ANK1: variants seen among roughly 807,000 people sequenced by gnomAD.
ANK1 encodes ankyrin-1.
In ANK1, 51 loss-of-function variants were observed where a neutral mutation model predicts 210.4. The ratio of observed to expected loss-of-function variants is 0.24; its 90% CI spans 0.19 to 0.31. The LOEUF is 0.31. Ranked by LOEUF, ANK1 falls within the 10% of genes least tolerant of loss-of-function variation. The pLI is 1.00. For missense variants in ANK1, 2,051 were observed against 2,504.4 expected, an observed-to-expected ratio of 0.82 and a Z score of 3.86; for synonymous variants, 967 against 1,025.9, an observed-to-expected ratio of 0.94 and a Z score of 1.10.
intron 1 of ANK1, among the ~76,000 whole-genome samples, chr8:41,795,929 G>A (rs528455416): frequency 1.6e-4 from 24 of 152,230 alleles, no homozygotes; most frequent in African/African-American, 4.8e-4. Context: ...ATACCAACAC[G>A]TAAAAATGAT....
chr8:41,799,900 A>C (rs193111046), upstream of ANK1, among the ~76,000 whole-genome samples: 1 of 152,246 alleles, frequency 6.6e-6, no homozygotes, highest in Admixed American at 6.5e-5. Context: ...TGAGACCCTC[A>C]AATTCACCCC....
At chr8:41,823,951 T>A (rs1217717987) in intron 1 of ANK1, among the ~76,000 whole-genome samples, 8 of 152,060 alleles carry the variant, frequency 5.3e-5, no homozygotes, top group African/African-American at 1.9e-4. Flanking sequence ...TTTTTGAGTA[T>A]TTTTTGTTTT....
chr8:41,751,135 T>C (rs1837610280), intron 2 of ANK1, among the ~76,000 whole-genome samples: 1 of 152,230 alleles, frequency 6.6e-6, no homozygotes, highest in East Asian at 1.9e-4. Flanking sequence ...TCCCAGAAAG[T>C]ATTTTTGTAT....
At chr8:41,880,025 G>T (rs752973956) in intron 1 of ANK1, among the ~76,000 whole-genome samples, 14 of 152,326 alleles carry the variant, frequency 9.2e-5, no homozygotes, top group Non-Finnish European at 1.5e-5. Context: ...TAACCCAGGG[G>T]GTGGCAAACT....
chr8:41,849,964 C>G (rs1388168707), intron 1 of ANK1, among the ~76,000 whole-genome samples: 2 of 152,114 alleles, frequency 1.3e-5, no homozygotes, highest in African/African-American at 4.8e-5. Context: ...ACCTTTATGG[C>G]CTTCCTCTGA....
At chr8:41,888,953 A>T (rs140280323) in intron 1 of ANK1, among the ~76,000 whole-genome samples, 2 of 152,370 alleles carry the variant, frequency 1.3e-5, no homozygotes, top group Admixed American at 6.5e-5. Context: ...CAACTCTGGC[A>T]GCTTTCCCAC....
chr8:41,720,027 C>G (rs909038722), intron 9 of ANK1, among the ~76,000 whole-genome samples, 169 bp from the exon 10 acceptor site: 4 of 152,158 alleles, frequency 2.6e-5, no homozygotes, highest in African/African-American at 9.7e-5. Context: ...GGTCTCTGAC[C>G]ACAGACATTC....
chr8:41,867,962 C>A (rs1292548614), intron 1 of ANK1, among the ~76,000 whole-genome samples: 1 of 152,196 alleles, frequency 6.6e-6, no homozygotes, highest in Non-Finnish European at 1.5e-5. Flanking sequence ...CAGGTTCAAG[C>A]GATTCTCGTG....
chr8:41,696,835 A>G, intron 24 of ANK1, 62 bp from the exon 25 acceptor site: 2 of 1,472,246 alleles, frequency 1.4e-6, no homozygotes, highest in East Asian at 2.3e-5. Context: ...ATGCCGTGCC[A>G]GGGCGTGGAG....
At chr8:41,896,344 C>T (rs562875816) in intron 1 of ANK1, 1 of 1,589,070 alleles carries the variant, frequency 6.3e-7, no homozygotes, top group South Asian at 1.1e-5. Context: ...TTCACCGCCG[C>T]CCCCTCCTAC....
chr8:41,847,484 T>C (rs1274085017), intron 1 of ANK1, among the ~76,000 whole-genome samples: 2 of 152,214 alleles, frequency 1.3e-5, no homozygotes, highest in East Asian at 3.8e-4. Flanking sequence ...ATCCACGAGC[T>C]GCTACGGAGG....
intron 1 of ANK1, among the ~76,000 whole-genome samples, chr8:41,883,200 C>T (rs1474840520): frequency 6.6e-6 from 1 of 152,212 alleles, no homozygotes; most frequent in African/African-American, 2.4e-5. Context: ...CCATATCAAC[C>T]CACAACATGG....
intron 37 of ANK1, among the ~76,000 whole-genome samples, chr8:41,679,261 A>T (rs1323214078): frequency 6.6e-6 from 1 of 152,192 alleles, no homozygotes; most frequent in Non-Finnish European, 1.5e-5. Flanking sequence ...GTATCCGTGT[A>T]TGCTTGAGCT....
chr8:41,779,400 A>G (rs1247246314), intron 1 of ANK1, among the ~76,000 whole-genome samples: 1 of 151,788 alleles, frequency 6.6e-6, no homozygotes, highest in Non-Finnish European at 1.5e-5. Flanking sequence ...GGTGAGCACC[A>G]CCACACCTAG....
At chr8:41,837,600 G>T (rs1250110509) in intron 1 of ANK1, among the ~76,000 whole-genome samples, 1 of 152,216 alleles carries the variant, frequency 6.6e-6, no homozygotes, top group African/African-American at 2.4e-5. Flanking sequence ...GGCCAGGCAT[G>T]GTGGCTCACG....
intron 39 of ANK1, chr8:41,665,260 G>T: frequency 6.6e-7 from 1 of 1,505,628 alleles, no homozygotes; most frequent in Non-Finnish European, 8.9e-7. Context: ...CCAGCAGCCA[G>T]GCTCTGCCCT....
intron 39 of ANK1, 116 bp from the exon 40 acceptor site, chr8:41,663,858 C>T: frequency 4.7e-6 from 4 of 848,074 alleles, no homozygotes; most frequent in South Asian, 2.8e-5. Flanking sequence ...CAATAACTCC[C>T]CCAGCAGGAA....
intron 1 of ANK1, among the ~76,000 whole-genome samples, chr8:41,763,706 A>T (rs985820690): frequency 1.3e-5 from 2 of 151,840 alleles, no homozygotes; most frequent in Non-Finnish European, 2.9e-5. Context: ...GTCCCTGAGC[A>T]CTCTATTCAG....
At chr8:41,761,686 C>A (rs900564179) in intron 1 of ANK1, among the ~76,000 whole-genome samples, 3 of 152,216 alleles carry the variant, frequency 2.0e-5, no homozygotes, top group African/African-American at 4.8e-5. Context: ...CACCCTTGAA[C>A]ACCCTTGAAC....
Sources: gnomAD v4.1 joint callset for allele counts (sites outside exome capture counted in the v4.1 genomes callset) on GRCh38, gnomAD v4.1.1 for gene constraint, MANE v1.5 for transcripts, NCBI Gene and HGNC (gene_info 2026-07-23, HGNC 2026-07-21) for gene names.